The following SYF2 variants were observed in gnomAD, a reference collection of about 807,000 sequenced individuals.
The protein encoded by SYF2 is SYF2 pre-mRNA splicing factor, also known as pre-mRNA-splicing factor SYF2.
Under a neutral mutation model 32.7 loss-of-function variants are expected in SYF2, and 21 were observed. The observed-to-expected ratio is 0.64, with a 90% CI of 0.45 to 0.92. SYF2 has a LOEUF of 0.92. SYF2 is among the 40% of genes least tolerant of loss of function. The pLI is 0.00. For synonymous variants in SYF2, 114 were observed against 103.9 expected, an observed-to-expected ratio of 1.10 and a Z score of -0.59; for missense variants, 278 against 296.5, an observed-to-expected ratio of 0.94 and a Z score of 0.46.
chr1:25,224,227 G>A (rs892435701), intron 6 of SYF2, among the ~76,000 whole-genome samples: 2 of 151,822 alleles, frequency 1.3e-5, no homozygotes, highest in African/African-American at 2.4e-5. Flanking sequence ...AATAACCACA[G>A]CTAATACTGA....
At chr1:25,227,142 G>A (rs540534532) in intron 5 of SYF2, among the ~76,000 whole-genome samples, 45 of 152,226 alleles carry the variant, frequency 3.0e-4, no homozygotes, top group South Asian at 1.2e-3. Flanking sequence ...AATTAGTTGG[G>A]CGTGGTGGCG....
intron 5 of SYF2, 110 bp downstream of exon 5, chr1:25,227,332 C>A: frequency 1.1e-6 from 1 of 885,340 alleles, no homozygotes; most frequent in South Asian, 1.9e-5. Flanking sequence ...CCTTAGACAA[C>A]TATTAATAAC....
intron 2 of SYF2, among the ~76,000 whole-genome samples, chr1:25,229,952 G>A (rs1385680532): frequency 6.6e-6 from 1 of 152,102 alleles, no homozygotes; most frequent in Non-Finnish European, 1.5e-5. Flanking sequence ...GAGTAGCTGG[G>A]GTTACAAGCG....
Position 25,223,196 on chromosome 1 carries a change from A to C in SYF2, c.*70T>G. 1 of 1,468,274 alleles carries C rather than the reference A, an allele frequency of 6.8e-7. No individual in the cohort carries two copies. Among genetic ancestry groups the C allele is most frequent in the Non-Finnish European group, 9.2e-7 (1 of 1,090,486 alleles). The allele number at this position is 1,468,274 out of a possible 1,614,324, so 91.0% of individuals were successfully genotyped here. A position where few individuals can be genotyped will look rare whatever the true frequency, so the allele number is the denominator to read the frequency against. ...TTCTGGATTACTGATAAAATTTCAAAAAGAACTTGATTTTGCTAGCAGAAA... is the reference window on the plus strand; with the variant it reads ...TTCTGGATTACTGATAAAATTTCAACAAGAACTTGATTTTGCTAGCAGAAA... On this transcript the variant is annotated 3_prime_UTR_variant, in exon 7 of 7. Coordinates refer to ENST00000236273, the MANE Select transcript of SYF2 (RefSeq NM_015484.5).
At chr1:25,225,222 A>T (rs1030218255) in intron 5 of SYF2, 122 bp from the exon 6 acceptor site, 18 of 688,114 alleles carry the variant, frequency 2.6e-5, no homozygotes, top group Middle Eastern at 2.4e-4. Context: ...ATCCTACTTT[A>T]ATTTTTTTTT....
intron 5 of SYF2, among the ~76,000 whole-genome samples, chr1:25,226,395 A>G (rs1179970739): frequency 1.3e-5 from 2 of 152,200 alleles, no homozygotes; most frequent in Non-Finnish European, 2.9e-5. Flanking sequence ...TTATGAAAAG[A>G]GGCTTCATTT....
chr1:25,232,366 T>G, intron 1 of SYF2, 78 bp downstream of exon 1: 2 of 1,611,752 alleles, frequency 1.2e-6, no homozygotes, highest in Non-Finnish European at 1.7e-6. Flanking sequence ...GAAACTAGAC[T>G]TCGCCTCCAC....
At chr1:25,224,680 A>G (rs1239883756) in intron 6 of SYF2, among the ~76,000 whole-genome samples, 1 of 152,212 alleles carries the variant, frequency 6.6e-6, no homozygotes, top group Non-Finnish European at 1.5e-5. Context: ...CATTTACTAC[A>G]ACATTCTTGC....
At chr1:25,224,287 G>A (rs1002368954) in intron 6 of SYF2, among the ~76,000 whole-genome samples, 1 of 151,106 alleles carries the variant, frequency 6.6e-6, no homozygotes, top group Non-Finnish European at 1.5e-5. Flanking sequence ...ACAGGGTCTC[G>A]CTCTGTCGCC....
chr1:25,228,681 T>A (rs771053256), intron 3 of SYF2, among the ~76,000 whole-genome samples: 1 of 152,254 alleles, frequency 6.6e-6, no homozygotes, highest in Non-Finnish European at 1.5e-5. Flanking sequence ...CTATGGTATA[T>A]AAGTGAGCAC....
At position 25,223,540 on chromosome 1, in the gene SYF2, G is replaced by A. The variant is rs886779405; in HGVS notation, c.567-109C>T. The A allele has an allele frequency of 1.6e-5, 17 of 1,089,698 alleles. No homozygotes were observed. The African/African-American group carries it at 2.4e-4, about 15-fold the overall frequency. The allele number at this position is 1,089,698 out of a possible 1,614,324, so 67.5% of individuals were successfully genotyped here. On this transcript the variant is annotated intron_variant, in intron 6 of 6. Coordinates refer to ENST00000236273, the MANE Select transcript of SYF2 (RefSeq NM_015484.5). ...ACGTTTAGAATAGCACATGTTGTGA[G>A]GGCTAGAGGAAGCCAGGAGAGTTTT...
chr1:25,226,888 G>C (rs1318277459), intron 5 of SYF2, among the ~76,000 whole-genome samples: 17 of 152,094 alleles, frequency 1.1e-4, no homozygotes, highest in Non-Finnish European at 2.4e-4. Flanking sequence ...GGCTGATGTG[G>C]GAGGATCCCT....
At chr1:25,227,988 T>C (rs1310401330) in intron 4 of SYF2, 130 bp downstream of exon 4, 2 of 708,044 alleles carry the variant, frequency 2.8e-6, no homozygotes, top group Admixed American at 4.9e-5. Context: ...ATATTTGTAC[T>C]TTTCTTGGTC....
At chr1:25,223,771 C>T (rs1330493077) in intron 6 of SYF2, among the ~76,000 whole-genome samples, 2 of 152,098 alleles carry the variant, frequency 1.3e-5, no homozygotes, top group Non-Finnish European at 2.9e-5. Context: ...CAAGGCCTCC[C>T]AAAAGGTCCT....
chr1:25,223,417 T>C lies in SYF2; in HGVS notation c.581A>G (p.Asp194Gly). Reference sequence around the variant, plus strand: ...ATAAGGACGTCTCCGGCTATATTTGTCTCGTTTTTCAATCCTGGGGAAAGA... The same window carrying C: ...ATAAGGACGTCTCCGGCTATATTTGCCTCGTTTTTCAATCCTGGGGAAAGA... ...IDLEKQIEKRDKYSRRRPYND... is the reference protein window; with the variant it reads ...IDLEKQIEKRGKYSRRRPYND... Residue 194 changes from aspartate to glycine, a missense_variant, in exon 7 of 7, where the codon GAC becomes GGC. Coordinates refer to ENST00000236273, the MANE Select transcript of SYF2 (RefSeq NM_015484.5). The C allele has an allele frequency of 6.2e-7, 1 of 1,606,864 alleles. No homozygotes were observed. The highest frequency in any genetic ancestry group is 1.1e-5 in the South Asian group (1 of 89,716).
Position 25,232,157 on chromosome 1 carries a change from C to G in SYF2, c.79G>C (p.Ala27Pro), listed in dbSNP as rs773073161. The G allele has an allele frequency of 1.9e-6, 3 of 1,613,838 alleles. No individual in the cohort carries two copies. The highest frequency in any genetic ancestry group is 2.2e-5 in the East Asian group (1 of 44,882). ...CGCAGTCTCTGTTCGCGCTTCTGAG[C>G]GGCCAGCTCCGCCGCCGCAGCGAGG... ...GSLAAAAELA[A>P]QKREQRLRKF... Residue 27 changes from alanine to proline, a missense_variant, in exon 2 of 7, where the codon GCT becomes CCT. Ala to Pro is a conservative substitution (Grantham distance 27). Coordinates refer to ENST00000236273, the MANE Select transcript of SYF2 (RefSeq NM_015484.5).
chr1:25,228,935 G>A (rs1351640556), intron 3 of SYF2, 63 bp downstream of exon 3: 2 of 1,568,362 alleles, frequency 1.3e-6, no homozygotes, highest in Non-Finnish European at 1.7e-6. Flanking sequence ...CCACCATGTT[G>A]TAGTGTCTTG....
At position 25,228,340 on chromosome 1, in the gene SYF2, G is replaced by A. The variant is rs951624749; in HGVS notation, c.259-105C>T. ...ATAAATATCAACCAATACTTTAATA[G>A]TATTTTTTTAGTTGGAGTTTCACTC... is the stretch of plus-strand genomic sequence containing the variant. On this transcript the variant is annotated intron_variant, in intron 3 of 6. Coordinates refer to ENST00000236273, the MANE Select transcript of SYF2 (RefSeq NM_015484.5). 32 of 1,031,164 alleles carry A rather than the reference G, an allele frequency of 3.1e-5. No homozygotes were observed. The East Asian group carries it at 7.7e-4, about 25-fold the overall frequency. The allele number at this position is 1,031,164 out of a possible 1,614,324, so 63.9% of individuals were successfully genotyped here.
rs775859185 is a variant in SYF2 at position 25,228,252 on chromosome 1, A to C, written c.259-17T>G. ...CGCACATTCCTAAAAAGAAGAAAAA[A>C]GCTGACACCTACAATTATGATACAT... On this transcript the variant is annotated splice_polypyrimidine_tract_variant and intron_variant, in intron 3 of 6. Coordinates refer to ENST00000236273, the MANE Select transcript of SYF2 (RefSeq NM_015484.5). 6.3e-7 allele frequency: 1 copy of C among 1,585,320 alleles called. No individual in the cohort carries two copies. The highest frequency in any genetic ancestry group is 1.1e-5 in the South Asian group (1 of 89,768).
Sources: gnomAD v4.1 joint callset for allele counts (sites outside exome capture counted in the v4.1 genomes callset) on GRCh38, gnomAD v4.1.1 for gene constraint, MANE v1.5 for transcripts, NCBI Gene and HGNC (gene_info 2026-07-23, HGNC 2026-07-21) for gene names.